The following FAF1 variants were observed in gnomAD, a reference collection of about 807,000 sequenced individuals.
The protein encoded by FAF1 is FAS-associated factor 1.
A neutral mutation model predicts 92.5 loss-of-function variants in FAF1; 25 were observed. The observed-to-expected ratio is 0.27, with a 90% CI of 0.20 to 0.38. The LOEUF (loss-of-function observed/expected upper bound fraction) is 0.38. Ranked by LOEUF, FAF1 falls within the 10% of genes least tolerant of loss-of-function variation. FAF1 has a pLI of 1.00. For missense variants in FAF1, 636 were observed against 793.3 expected (o/e 0.80, Z 2.38); for synonymous variants, 234 against 273.2 (o/e 0.86, Z 1.42).
chr1:50,940,163 C>A (rs1053654439), intron 1 of FAF1, among the ~76,000 whole-genome samples: 2 of 152,146 alleles, frequency 1.3e-5, no homozygotes, highest in African/African-American at 4.8e-5. Flanking sequence ...CTGCCCACTT[C>A]GGCACCCCAA....
chr1:50,896,540 T>A lies in FAF1; in HGVS notation c.46-38543A>T, dbSNP rs78921300. On this transcript the variant is annotated intron_variant, in intron 1 of 18. Transcript: ENST00000396153. The stretch of plus-strand genomic sequence containing the variant: ...TGGAAGCAACCTAAGTGTCCATGAA[T>A]GGATGTTAAATGGATAAAGAAAATG... Among the ~76,000 whole-genome samples, 201 of 152,290 alleles carry A rather than the reference T, an allele frequency of 1.3e-3. 1 individual carries two copies. Among genetic ancestry groups the A allele is most frequent in the Non-Finnish European group, 2.4e-3 (164 of 68,024 alleles).
chr1:50,912,667 T>C (rs749166159), intron 1 of FAF1, among the ~76,000 whole-genome samples: 2 of 152,116 alleles, frequency 1.3e-5, no homozygotes, highest in Non-Finnish European at 2.9e-5. Context: ...CCAAAAGAAG[T>C]TGCCACATGA....
In FAF1 at chr1:50,892,423, C is replaced by T. The variant is rs142298884; in HGVS notation, c.46-34426G>A. On this transcript the variant is annotated intron_variant, in intron 1 of 18. Coordinates refer to ENST00000396153, the MANE Select transcript of FAF1 (RefSeq NM_007051.3). ...AGTTGGAAATGCAGAAATCACCCATCTTCTGTGTCGCTCACACTGGGAGCT... is the reference window on the plus strand; with the variant it reads ...AGTTGGAAATGCAGAAATCACCCATTTTCTGTGTCGCTCACACTGGGAGCT... Among the ~76,000 whole-genome samples, 444 of 152,340 alleles carry T rather than the reference C, an allele frequency of 2.9e-3. 13 individuals are homozygous for T. In the East Asian group the frequency reaches 0.064, roughly 22 times the overall value.
At chr1:50,662,118 C>A (rs1383638855) in intron 7 of FAF1, among the ~76,000 whole-genome samples, 3 of 152,120 alleles carry the variant, frequency 2.0e-5, no homozygotes. Flanking sequence ...TTAACTATTA[C>A]TTCTTCTCAT....
intron 8 of FAF1, among the ~76,000 whole-genome samples, chr1:50,597,983 A>G (rs566241394): frequency 1.3e-5 from 2 of 152,290 alleles, no homozygotes; most frequent in South Asian, 4.1e-4. Flanking sequence ...ACTCGAATCA[A>G]TATTTTCCAT....
chr1:50,932,014 T>C (rs1390769626), intron 1 of FAF1, among the ~76,000 whole-genome samples: 1 of 145,592 alleles, frequency 6.9e-6, no homozygotes, highest in Non-Finnish European at 1.5e-5. Flanking sequence ...ATAATAATAA[T>C]AATAATAGCA....
chr1:50,567,659 T>C (rs1018097241), intron 12 of FAF1, among the ~76,000 whole-genome samples: 2 of 152,098 alleles, frequency 1.3e-5, no homozygotes, highest in Non-Finnish European at 2.9e-5. Context: ...CTCTTACATA[T>C]TTTTTATGGT....
chr1:50,502,908 C>T (rs1452021450), intron 15 of FAF1, among the ~76,000 whole-genome samples: 1 of 152,102 alleles, frequency 6.6e-6, no homozygotes, highest in East Asian at 1.9e-4. Flanking sequence ...CAGTTTTAAA[C>T]TCCTGGGCTC....
At chr1:50,613,436 T>C (rs897844722) in intron 8 of FAF1, among the ~76,000 whole-genome samples, 1 of 152,232 alleles carries the variant, frequency 6.6e-6, no homozygotes, top group African/African-American at 2.4e-5. Flanking sequence ...TCATACTTAA[T>C]GTTCCTGTAT....
intron 12 of FAF1, among the ~76,000 whole-genome samples, chr1:50,574,130 A>C (rs761458965): frequency 6.6e-6 from 1 of 152,248 alleles, no homozygotes; most frequent in Non-Finnish European, 1.5e-5. Context: ...TGTCTAAAAA[A>C]AGAAAAGCCT....
intron 13 of FAF1, among the ~76,000 whole-genome samples, chr1:50,543,724 A>G (rs1224437645): frequency 6.6e-6 from 1 of 151,964 alleles, no homozygotes; most frequent in Non-Finnish European, 1.5e-5. Context: ...ATACATTAGC[A>G]AAGATTTGTT....
intron 15 of FAF1, among the ~76,000 whole-genome samples, chr1:50,528,584 C>T (rs575793202): frequency 6.6e-6 from 1 of 152,294 alleles, no homozygotes; most frequent in Non-Finnish European, 1.5e-5. Context: ...CACTCAGATT[C>T]AGCTGCCTTG....
At chr1:50,628,594 CCTT>C (rs1415906673) in intron 8 of FAF1, among the ~76,000 whole-genome samples, 1 of 152,172 alleles carries the variant, frequency 6.6e-6, no homozygotes, top group East Asian at 1.9e-4. Flanking sequence ...AATACCTTCT[CCTT>C]CTTGGATGTC....
At chr1:50,842,206 A>G (rs1644261599) in intron 2 of FAF1, among the ~76,000 whole-genome samples, 1 of 152,006 alleles carries the variant, frequency 6.6e-6, no homozygotes, top group Non-Finnish European at 1.5e-5. Flanking sequence ...ACTAACTAAA[A>G]CCAATACTTT....
chr1:50,544,448 G>C (rs1244094019), intron 13 of FAF1, among the ~76,000 whole-genome samples: 1 of 152,024 alleles, frequency 6.6e-6, no homozygotes, highest in African/African-American at 2.4e-5. Context: ...AGGTAATTTT[G>C]ATGCAAGTGA....
At chr1:50,905,105 CA>C (rs1410514438) in intron 1 of FAF1, among the ~76,000 whole-genome samples, 1 of 152,102 alleles carries the variant, frequency 6.6e-6, no homozygotes, top group Admixed American at 6.6e-5. Context: ...TCTCATTGTT[CA>C]ATTCCCACCT....
intron 12 of FAF1, among the ~76,000 whole-genome samples, chr1:50,571,013 T>C (rs1650412060): frequency 6.6e-6 from 1 of 152,208 alleles, no homozygotes; most frequent in Admixed American, 6.5e-5. Context: ...GTTTTTCCTT[T>C]GGCCCATTTA....
At chr1:50,452,039 A>G (rs755837140) in intron 18 of FAF1, 28 of 1,309,058 alleles carry the variant, frequency 2.1e-5, no homozygotes, top group Admixed American at 4.6e-5. Flanking sequence ...GAAGGCCCAG[A>G]GGGGATTCTA....
At chr1:50,957,513 G>T (rs1221290147) in intron 1 of FAF1, among the ~76,000 whole-genome samples, 1 of 151,718 alleles carries the variant, frequency 6.6e-6, no homozygotes, top group Non-Finnish European at 1.5e-5. Flanking sequence ...CACCTCGACC[G>T]GCTAATTTTT....
Sources: gnomAD v4.1 joint callset for allele counts (sites outside exome capture counted in the v4.1 genomes callset) on GRCh38, gnomAD v4.1.1 for gene constraint, MANE v1.5 for transcripts, NCBI Gene and HGNC (gene_info 2026-07-23, HGNC 2026-07-21) for gene names.